ZMIZ1: variants seen among roughly 807,000 people sequenced by gnomAD.
The protein encoded by ZMIZ1 is zinc finger MIZ-type containing 1.
Under a neutral mutation model 113.9 loss-of-function variants are expected in ZMIZ1, and 17 were observed. That is an observed-to-expected ratio of 0.15 (90% CI 0.10 to 0.22). The LOEUF (loss-of-function observed/expected upper bound fraction) is 0.22, where lower values mean the gene tolerates loss of function less well. ZMIZ1 is among the 10% of genes least tolerant of loss of function. ZMIZ1 has a pLI of 1.00. For synonymous variants in ZMIZ1, 607 were observed against 603.1 expected (o/e 1.01, Z -0.09); for missense variants, 1,059 against 1,477.8 (o/e 0.72, Z 4.65).
intron 7 of ZMIZ1, among the ~76,000 whole-genome samples, chr10:79,269,817 C>T (rs1000503891): frequency 2.0e-5 from 3 of 152,210 alleles, no homozygotes; most frequent in African/African-American, 7.2e-5. Context: ...CCTCTGCTTT[C>T]TTGCTCCTTT....
chr10:79,293,661 C>T lies in ZMIZ1; in HGVS notation c.1230+8C>T, dbSNP rs759940892. On this transcript the variant is annotated splice_region_variant and intron_variant, in intron 12 of 24. Coordinates refer to ENST00000334512, the MANE Select transcript of ZMIZ1 (RefSeq NM_020338.4). ...AGGCCATACCCTGGAGAGGTGAGTG[C>T]AGCAGTGGGAGCCTGGGAGGTGGGA... 1 of 1,613,106 alleles carries T rather than the reference C, an allele frequency of 6.2e-7. No homozygotes were observed. Among genetic ancestry groups the T allele is most frequent in the East Asian group, 2.2e-5 (1 of 44,888 alleles).
rs11002904 is a variant in ZMIZ1, at chr10:79,277,367, C to G, written c.425+42C>G. 5.6e-4 allele frequency: 859 copies of G among 1,522,496 alleles called. 5 individuals are homozygous for G. In the African/African-American group the frequency reaches 0.01, roughly 18 times the overall value. The allele number at this position is 1,522,496 out of a possible 1,614,324, so 94.3% of individuals were successfully genotyped here. On this transcript the variant is annotated intron_variant, in intron 8 of 24. Transcript: ENST00000334512. ...CATGGGTGCAGGTACTGAGCAGACA[C>G]CCCTCTGGTCTCAGATCTCCTTGGA...
chr10:79,242,327 G>T (rs115755816), intron 7 of ZMIZ1, among the ~76,000 whole-genome samples: 3,978 of 151,958 alleles, frequency 0.026, 174 homozygotes, highest in African/African-American at 0.091. Context: ...CCCTCCTGCC[G>T]CCAGCTCCTG....
At chr10:79,154,143 C>T (rs1377325484) in intron 3 of ZMIZ1, among the ~76,000 whole-genome samples, 1 of 152,226 alleles carries the variant, frequency 6.6e-6, no homozygotes, top group East Asian at 1.9e-4. Flanking sequence ...AAGTGACTTT[C>T]TTGTGGGCCA....
intron 7 of ZMIZ1, among the ~76,000 whole-genome samples, chr10:79,219,590 G>A (rs1848878379): frequency 6.6e-6 from 1 of 152,150 alleles, no homozygotes; most frequent in Non-Finnish European, 1.5e-5. Context: ...GCCTCTGAGT[G>A]GCATTCCCAG....
chr10:79,162,259 G>T (rs1490617830), intron 4 of ZMIZ1, 126 bp downstream of exon 4: 1 of 396,882 alleles, frequency 2.5e-6, no homozygotes, highest in African/African-American at 2.1e-5. Context: ...GGCAGGAGCG[G>T]GCACAAGCCA....
chr10:79,163,998 C>A (rs569790240), intron 4 of ZMIZ1, among the ~76,000 whole-genome samples: 1 of 151,946 alleles, frequency 6.6e-6, no homozygotes, highest in African/African-American at 2.4e-5. Flanking sequence ...GGTAATTAAT[C>A]ATAGGAGCAG....
At chr10:79,230,870 A>C (rs139694483) in intron 7 of ZMIZ1, among the ~76,000 whole-genome samples, 4 of 152,372 alleles carry the variant, frequency 2.6e-5, no homozygotes, top group Middle Eastern at 3.4e-3. Context: ...TGGGAGGAGA[A>C]AAACAAAAGA....
At chr10:79,095,140 TC>T (rs1322360638) in intron 1 of ZMIZ1, among the ~76,000 whole-genome samples, 1 of 152,122 alleles carries the variant, frequency 6.6e-6, no homozygotes, top group Non-Finnish European at 1.5e-5. Context: ...GCATTTGACT[TC>T]CTCTCAGGAC....
At chr10:79,216,340 T>G (rs1213194694) in intron 7 of ZMIZ1, 66 bp downstream of exon 7, 8 of 1,408,868 alleles carry the variant, frequency 5.7e-6, no homozygotes, top group Admixed American at 2.1e-5. Context: ...CTATAAACCA[T>G]GCCTGTTTGC....
At chr10:79,121,172 C>T (rs1177791318) in intron 2 of ZMIZ1, among the ~76,000 whole-genome samples, 1 of 152,194 alleles carries the variant, frequency 6.6e-6, no homozygotes, top group African/African-American at 2.4e-5. Flanking sequence ...CATTTATGCT[C>T]TTTTCTCCCA....
intron 2 of ZMIZ1, among the ~76,000 whole-genome samples, chr10:79,120,637 A>G (rs1327006456): frequency 6.6e-6 from 1 of 152,196 alleles, no homozygotes; most frequent in Non-Finnish European, 1.5e-5. Context: ...TCCGCCTCCT[A>G]TACGGTGGCC....
At chr10:79,108,652 C>T (rs1000280847) in intron 1 of ZMIZ1, among the ~76,000 whole-genome samples, 2 of 152,098 alleles carry the variant, frequency 1.3e-5, no homozygotes, top group African/African-American at 4.8e-5. Flanking sequence ...TACCAACCAT[C>T]ACCCCCTAAT....
At chr10:79,229,116 C>T (rs2132768572) in intron 7 of ZMIZ1, among the ~76,000 whole-genome samples, 1 of 152,346 alleles carries the variant, frequency 6.6e-6, no homozygotes, top group South Asian at 2.1e-4. Context: ...GGAGCAGCAG[C>T]AATTCTGTTT....
At chr10:79,072,734 C>T (rs1006076998) in intron 1 of ZMIZ1, among the ~76,000 whole-genome samples, 1 of 152,250 alleles carries the variant, frequency 6.6e-6, no homozygotes, top group Non-Finnish European at 1.5e-5. Flanking sequence ...CTCCCCAGGG[C>T]CCTGGCCCAG....
intron 2 of ZMIZ1, among the ~76,000 whole-genome samples, chr10:79,138,468 G>A (rs767215008): frequency 1.8e-4 from 27 of 152,184 alleles, no homozygotes; most frequent in African/African-American, 5.1e-4. Context: ...GGGACACCCC[G>A]TCCCCAAGAT....
Position 79,277,287 on chromosome 10 carries a change from C to T in ZMIZ1, c.387C>T (p.Leu129=). ...PPGKLPMQPP[L]SSMSSMKPTL... ...GGAAACTCCCCATGCAGCCCCCTCT[C>T]AGCTCCATGAGCTCCATGAAACCCA... Residue 129 remains leucine, a synonymous_variant, in exon 8 of 25, where the codon CTC becomes CTT. Coordinates refer to ENST00000334512, the MANE Select transcript of ZMIZ1 (RefSeq NM_020338.4). 6.2e-7 allele frequency: 1 copy of T among 1,602,746 alleles called. No individual in the cohort carries two copies. Among genetic ancestry groups the T allele is most frequent in the Non-Finnish European group, 8.5e-7 (1 of 1,175,092 alleles).
chr10:79,161,931 A>G (rs1014161251), intron 3 of ZMIZ1, 122 bp from the exon 4 acceptor site: 1 of 398,478 alleles, frequency 2.5e-6, no homozygotes, highest in Admixed American at 4.4e-5. Flanking sequence ...GCACCCCATC[A>G]TGTCCCTTCA....
At chr10:79,242,129 T>G (rs1589469508) in intron 7 of ZMIZ1, among the ~76,000 whole-genome samples, 9 of 140,970 alleles carry the variant, frequency 6.4e-5, no homozygotes, top group East Asian at 2.1e-4. Flanking sequence ...TCTCTGGAGG[T>G]GGGACAGCAG....
Sources: allele counts gnomAD v4.1 joint callset (sites outside exome capture counted in the v4.1 genomes callset), GRCh38; gene constraint gnomAD v4.1.1; transcripts MANE v1.5; gene names NCBI Gene and HGNC (gene_info 2026-07-23, HGNC 2026-07-21).